ADGRL2: variants seen among roughly 807,000 people sequenced by gnomAD.
The protein encoded by ADGRL2 is adhesion G protein-coupled receptor L2, also known as calcium-independent alpha-latrotoxin receptor 2.
Under a neutral mutation model 157.4 loss-of-function variants are expected in ADGRL2, and 44 were observed. That is an observed-to-expected ratio of 0.28 (90% CI 0.22 to 0.36). The LOEUF (loss-of-function observed/expected upper bound fraction) is 0.36, where lower values mean the gene tolerates loss of function less well. ADGRL2 is among the 10% of genes least tolerant of loss of function. The pLI is 1.00. For missense variants in ADGRL2, 1,510 were observed against 1,768.9 expected (o/e 0.85, Z 2.63); for synonymous variants, 585 against 624.7 (o/e 0.94, Z 0.95).
At chr1:81,759,565 CAA>C (rs1295366421) in intron 1 of ADGRL2, among the ~76,000 whole-genome samples, 4 of 152,084 alleles carry the variant, frequency 2.6e-5, no homozygotes, top group Admixed American at 2.6e-4. Flanking sequence ...TATATGTCCA[CAA>C]AAGTTTTTTC....
chr1:81,511,400 G>GCACAAA (rs2079074536), intron 2 of ADGRL2, among the ~76,000 whole-genome samples: 1 of 127,236 alleles, frequency 7.9e-6, no homozygotes, highest in South Asian at 2.5e-4. Flanking sequence ...AAAAAAGCGC[G>GCACAAA]CACACACACA....
intron 2 of ADGRL2, among the ~76,000 whole-genome samples, chr1:81,787,087 T>C (rs935717210): frequency 6.6e-6 from 1 of 152,110 alleles, no homozygotes; most frequent in Non-Finnish European, 1.5e-5. Flanking sequence ...CCTCATTTTT[T>C]CTTGCCACCA....
intron 17 of ADGRL2, among the ~76,000 whole-genome samples, chr1:81,975,750 T>C (rs1265936873): frequency 6.6e-6 from 1 of 151,972 alleles, no homozygotes; most frequent in Non-Finnish European, 1.5e-5. Context: ...CAGCCAGTAG[T>C]TTATTTGAAA....
At chr1:81,864,954 C>G (rs1466868602) in intron 2 of ADGRL2, among the ~76,000 whole-genome samples, 1 of 152,104 alleles carries the variant, frequency 6.6e-6, no homozygotes, top group African/African-American at 2.4e-5. Context: ...CCACTACACT[C>G]TAGCTTGGGC....
chr1:81,677,859 C>T (rs997170294), intron 3 of ADGRL2, among the ~76,000 whole-genome samples: 1 of 152,140 alleles, frequency 6.6e-6, no homozygotes, highest in Non-Finnish European at 1.5e-5. Context: ...TTTAATCTCC[C>T]TAAAGTGACA....
chr1:81,769,045 T>C (rs116230296), intron 2 of ADGRL2, among the ~76,000 whole-genome samples: 1,546 of 152,178 alleles, frequency 0.01, 31 homozygotes, highest in African/African-American at 0.034. Flanking sequence ...ATCGCGGCAC[T>C]GCACTGCAGT....
chr1:81,617,824 T>C lies in ADGRL2; in HGVS notation c.-143+36844T>C, dbSNP rs1368402379. ...AATTACCTCAGCAAACAGACATGCTTCAGTAAGTAGCCCTTTGCTGGGGTC... is the reference window on the plus strand; with the variant it reads ...AATTACCTCAGCAAACAGACATGCTCCAGTAAGTAGCCCTTTGCTGGGGTC... On this transcript the variant is annotated intron_variant, in intron 3 of 24. Transcript: ENST00000370721. 2.6e-5 allele frequency among the ~76,000 whole-genome samples: 4 copies of C among 152,322 alleles called. No individual in the cohort carries two copies. In the East Asian group the frequency reaches 7.7e-4, roughly 29 times the overall value.
Position 81,981,984 on chromosome 1 carries a change from A to G in ADGRL2, c.3282+8A>G. The G allele has an allele frequency of 6.2e-7, 1 of 1,608,980 alleles. No individual in the cohort carries two copies. The highest frequency in any genetic ancestry group is 8.5e-7 in the Non-Finnish European group (1 of 1,177,040). On this transcript the variant is annotated splice_region_variant and intron_variant, in intron 19 of 23. Coordinates refer to ENST00000686636, the MANE Select transcript of ADGRL2 (RefSeq NM_001366006.2). ...TGTGCTCTCCAAAAGAAAGTAAGTA[A>G]TTGAAAACACCTAGGGGCTCAGGTT... is the stretch of plus-strand genomic sequence containing the variant.
chr1:81,427,176 G>C, intron 1 of ADGRL2: 1 of 955,000 alleles, frequency 1.0e-6, no homozygotes, highest in East Asian at 2.4e-5. Flanking sequence ...AACTTTCGAG[G>C]TGGTGGAGGT....
intron 1 of ADGRL2, among the ~76,000 whole-genome samples, chr1:81,816,677 G>C (rs561983824): frequency 6.6e-6 from 1 of 151,828 alleles, no homozygotes; most frequent in Non-Finnish European, 1.5e-5. Context: ...GCCCTCCATA[G>C]TTAAAAAGAT....
At chr1:81,809,149 A>T (rs1368236633) in intron 1 of ADGRL2, among the ~76,000 whole-genome samples, 1 of 152,006 alleles carries the variant, frequency 6.6e-6, no homozygotes. Context: ...TGAGGAGTAC[A>T]TTATAATCAT....
chr1:81,397,496 T>A (rs1405226429), intron 1 of ADGRL2, among the ~76,000 whole-genome samples: 1 of 151,940 alleles, frequency 6.6e-6, no homozygotes, highest in East Asian at 1.9e-4. Context: ...ATTTCTTGCA[T>A]TTTTAGTAGA....
Position 81,427,401 on chromosome 1 carries a change from G to A in ADGRL2, c.-301-17635G>A, listed in dbSNP as rs1159607947. On this transcript the variant is annotated intron_variant, in intron 1 of 24. Transcript: ENST00000370721. ...CAAGGTGGTAGATATGGTGGTGGTGGTGGAGGATATGATGGTTGCAATGGA... is the reference window on the plus strand; with the variant it reads ...CAAGGTGGTAGATATGGTGGTGGTGATGGAGGATATGATGGTTGCAATGGA... 9.4e-6 allele frequency: 7 copies of A among 744,420 alleles called. No individual in the cohort carries two copies. In the Admixed American group the frequency reaches 1.0e-4, roughly 11 times the overall value. The allele number at this position is 744,420 out of a possible 1,614,324, so 46.1% of individuals were successfully genotyped here.
chr1:81,936,946 G>A (rs2095319519), intron 4 of ADGRL2, 109 bp downstream of exon 4: 3 of 680,246 alleles, frequency 4.4e-6, no homozygotes, highest in African/African-American at 1.8e-5. Context: ...AAACCATTAT[G>A]TATGCAGAGC....
intron 6 of ADGRL2, among the ~76,000 whole-genome samples, chr1:81,945,918 T>A (rs1366225912): frequency 6.6e-6 from 1 of 152,018 alleles, no homozygotes; most frequent in Non-Finnish European, 1.5e-5. Context: ...ATTTAGAGAC[T>A]CCCTTCTCTC....
chr1:81,344,273 G>A (rs997587559), intron 1 of ADGRL2, among the ~76,000 whole-genome samples: 13 of 152,212 alleles, frequency 8.5e-5, no homozygotes, highest in African/African-American at 2.4e-4. Flanking sequence ...CCTGAGATTG[G>A]CCATGCTGTG....
intron 2 of ADGRL2, among the ~76,000 whole-genome samples, chr1:81,448,000 T>C (rs972307925): frequency 6.6e-6 from 1 of 152,012 alleles, no homozygotes; most frequent in Admixed American, 6.6e-5. Flanking sequence ...GCCATGTAAG[T>C]TGGCTTGCTT....
chr1:81,337,371 G>A lies in ADGRL2; in HGVS notation c.-302+30862G>A, dbSNP rs888184009. ...TCCCCCTAGATGCTGCTGTGGTGCG[G>A]CACAGAGTCCTGCTCCTGCTGGTGC... On this transcript the variant is annotated intron_variant, in intron 1 of 24. Transcript: ENST00000370721. 4.6e-5 allele frequency among the ~76,000 whole-genome samples: 7 copies of A among 152,138 alleles called. 1 individual carries two copies. The highest frequency in any genetic ancestry group is 3.9e-4 in the Admixed American group (6 of 15,280).
chr1:81,748,502 AAAAAG>A (rs906441263), intron 1 of ADGRL2, among the ~76,000 whole-genome samples: 280 of 151,354 alleles, frequency 1.8e-3, no homozygotes, highest in African/African-American at 6.5e-3. Context: ...GAAAGAAAGA[AAAAAG>A]AAAACAGTAG....
Sources: gnomAD v4.1 joint callset for allele counts (sites outside exome capture counted in the v4.1 genomes callset) on GRCh38, gnomAD v4.1.1 for gene constraint, MANE v1.5 for transcripts, NCBI Gene and HGNC (gene_info 2026-07-23, HGNC 2026-07-21) for gene names.